The following ABTB2 variants were observed in gnomAD, a reference collection of about 807,000 sequenced individuals.
The protein encoded by ABTB2 is ankyrin repeat and BTB domain containing 2.
In ABTB2, 56 loss-of-function variants were observed where a neutral mutation model predicts 104.1. That is an observed-to-expected ratio of 0.54 (90% CI 0.43 to 0.67). The LOEUF (loss-of-function observed/expected upper bound fraction) is 0.67. Ranked by LOEUF, ABTB2 falls within the 30% of genes least tolerant of loss-of-function variation. The pLI is 0.00. For missense variants in ABTB2, 1,279 were observed against 1,407.7 expected (o/e 0.91, Z 1.46); for synonymous variants, 606 against 608.2 (o/e 1.00, Z 0.05).
chr11:34,259,426 C>T (rs1854162263), intron 1 of ABTB2, among the ~76,000 whole-genome samples: 1 of 152,208 alleles, frequency 6.6e-6, no homozygotes, highest in Admixed American at 6.5e-5. Context: ...GTAAGAACCA[C>T]CACAGAAACT....
chr11:34,303,041 C>A (rs780407884), intron 1 of ABTB2, among the ~76,000 whole-genome samples: 7 of 152,294 alleles, frequency 4.6e-5, no homozygotes, highest in South Asian at 2.1e-4. Flanking sequence ...TGTCTTCAGG[C>A]CTTTGATTTT....
intron 6 of ABTB2, 90 bp downstream of exon 6, chr11:34,167,813 C>T (rs1852821287): frequency 7.2e-7 from 1 of 1,390,582 alleles, no homozygotes; most frequent in Non-Finnish European, 1.0e-6. Flanking sequence ...CTCAGTTGCC[C>T]AAAACATCAC....
chr11:34,202,642 C>T (rs1292116247), intron 2 of ABTB2, among the ~76,000 whole-genome samples: 2 of 152,064 alleles, frequency 1.3e-5, no homozygotes, highest in Non-Finnish European at 2.9e-5. Flanking sequence ...GAGTTCGAGA[C>T]CAGCCTGGCC....
chr11:34,181,188 C>A (rs192729176), intron 3 of ABTB2, among the ~76,000 whole-genome samples: 3 of 152,216 alleles, frequency 2.0e-5, no homozygotes, highest in Middle Eastern at 3.4e-3. Context: ...TGGGCGTGAG[C>A]CACCATGCCC....
At chr11:34,226,074 C>A (rs1248969534) in intron 1 of ABTB2, among the ~76,000 whole-genome samples, 2 of 151,298 alleles carry the variant, frequency 1.3e-5, no homozygotes, top group African/African-American at 4.9e-5. Context: ...GTGTTGCGTG[C>A]GCCTGTAGTC....
intron 1 of ABTB2, among the ~76,000 whole-genome samples, chr11:34,280,370 T>C (rs1854435984): frequency 6.6e-6 from 1 of 151,980 alleles, no homozygotes. Flanking sequence ...TCCCAACAGG[T>C]AGGTTTGAGG....
Position 34,357,326 on chromosome 11 carries a change from C to G in ABTB2, c.258G>C (p.Ser86=). The G allele has an allele frequency of 6.6e-7, 1 of 1,517,726 alleles. No homozygotes were observed. Among genetic ancestry groups the G allele is most frequent in the Non-Finnish European group, 8.9e-7 (1 of 1,127,322 alleles). 94.0% of individuals were successfully genotyped at this position (1,517,726 alleles called of 1,614,324 possible). The change falls in exon 1 of 17, where the codon TCG becomes TCC. Residue 86 remains serine, a synonymous_variant. Coordinates refer to ENST00000435224, the MANE Select transcript of ABTB2 (RefSeq NM_145804.3). ...PEDPEVADLF[S]RCPRLPELEE... Reference sequence around the variant, plus strand: ...CCAGCTCGGGGAGCCGCGGACAGCGCGAGAAGAGGTCGGCCACTTCGGGGT... The same window carrying G: ...CCAGCTCGGGGAGCCGCGGACAGCGGGAGAAGAGGTCGGCCACTTCGGGGT...
intron 3 of ABTB2, among the ~76,000 whole-genome samples, chr11:34,184,574 C>T (rs1016182831): frequency 3.9e-5 from 6 of 152,242 alleles, no homozygotes; most frequent in African/African-American, 9.6e-5. Context: ...CACCCCTCCT[C>T]GCTTTCCCAC....
chr11:34,185,730 G>A (rs984229667), intron 3 of ABTB2, among the ~76,000 whole-genome samples: 2 of 152,004 alleles, frequency 1.3e-5, no homozygotes, highest in African/African-American at 2.4e-5. Flanking sequence ...TAGTTAGATT[G>A]GAAAAATAAG....
chr11:34,284,106 C>T (rs1329215844), intron 1 of ABTB2, among the ~76,000 whole-genome samples: 6 of 152,174 alleles, frequency 3.9e-5, no homozygotes, highest in Non-Finnish European at 8.8e-5. Flanking sequence ...CTAACGAGCC[C>T]CCAGGTAATG....
chr11:34,173,132 C>T (rs780213436), intron 4 of ABTB2, 23 bp downstream of exon 4: 1 of 1,613,278 alleles, frequency 6.2e-7, no homozygotes, highest in South Asian at 1.1e-5. Flanking sequence ...ATGCCGGGGC[C>T]CTCCCTCCTC....
At chr11:34,208,213 C>T (rs1853432986) in intron 1 of ABTB2, among the ~76,000 whole-genome samples, 1 of 152,118 alleles carries the variant, frequency 6.6e-6, no homozygotes, top group Admixed American at 6.5e-5. Context: ...ATAACGGGCC[C>T]AGGGCAAGAT....
intron 1 of ABTB2, among the ~76,000 whole-genome samples, chr11:34,318,775 C>T (rs1564931514): frequency 6.6e-6 from 1 of 152,090 alleles, no homozygotes; most frequent in South Asian, 2.1e-4. Context: ...TGGGAGGTGA[C>T]CCATAATGTG....
chr11:34,334,350 T>C (rs955185750), intron 1 of ABTB2, among the ~76,000 whole-genome samples: 3 of 152,176 alleles, frequency 2.0e-5, no homozygotes, highest in East Asian at 1.9e-4. Flanking sequence ...AAAGCCACTG[T>C]GGCTGGAAGA....
At chr11:34,325,430 G>A (rs976817957) in intron 1 of ABTB2, among the ~76,000 whole-genome samples, 1 of 152,164 alleles carries the variant, frequency 6.6e-6, no homozygotes, top group Non-Finnish European at 1.5e-5. Flanking sequence ...GTGACCTTAG[G>A]CAAGTTAAGC....
At chr11:34,238,811 T>C (rs1853877505) in intron 1 of ABTB2, among the ~76,000 whole-genome samples, 1 of 152,148 alleles carries the variant, frequency 6.6e-6, no homozygotes, top group Non-Finnish European at 1.5e-5. Context: ...TGGAGTGCAA[T>C]GATGCAATCT....
intron 1 of ABTB2, among the ~76,000 whole-genome samples, chr11:34,294,879 AT>A (rs1425747670): frequency 6.7e-6 from 1 of 150,314 alleles, no homozygotes; most frequent in South Asian, 2.1e-4. Context: ...ATGCCCGGCT[AT>A]TTTTTTTTAA....
chr11:34,289,384 T>C (rs1249326840), intron 1 of ABTB2, among the ~76,000 whole-genome samples: 1 of 152,226 alleles, frequency 6.6e-6, no homozygotes, highest in Non-Finnish European at 1.5e-5. Flanking sequence ...AATGCTAATG[T>C]CGTGCTTACT....
intron 1 of ABTB2, among the ~76,000 whole-genome samples, chr11:34,328,006 A>C (rs1368120616): frequency 6.6e-6 from 1 of 152,200 alleles, no homozygotes; most frequent in African/African-American, 2.4e-5. Flanking sequence ...CAGTGTGTGA[A>C]AATATTGAGA....
Sources: allele counts gnomAD v4.1 joint callset (sites outside exome capture counted in the v4.1 genomes callset), GRCh38; gene constraint gnomAD v4.1.1; transcripts MANE v1.5; gene names NCBI Gene and HGNC (gene_info 2026-07-23, HGNC 2026-07-21).